Variants in TMEM38B observed in about 807,000 individuals in gnomAD.
TMEM38B encodes trimeric intracellular cation channel type B.
Under a neutral mutation model 28.7 loss-of-function variants are expected in TMEM38B, and 24 were observed. The observed-to-expected ratio is 0.84, with a 90% confidence interval of 0.61 to 1.18. The LOEUF (loss-of-function observed/expected upper bound fraction) is 1.18. TMEM38B is among the 50% of genes most tolerant of loss of function. TMEM38B has a pLI of 0.00. For missense variants in TMEM38B, 380 were observed against 350.9 expected (o/e 1.08, Z -0.66); for synonymous variants, 131 against 127.7 (o/e 1.03, Z -0.17).
intron 5 of TMEM38B, among the ~76,000 whole-genome samples, chr9:105,753,196 G>C (rs568358971): frequency 6.6e-6 from 1 of 152,266 alleles, no homozygotes; most frequent in South Asian, 2.1e-4. Flanking sequence ...TATGATTGGA[G>C]TACTTGAAAG....
At chr9:105,699,588 G>C (rs1419297940) in intron 1 of TMEM38B, among the ~76,000 whole-genome samples, 1 of 152,150 alleles carries the variant, frequency 6.6e-6, no homozygotes, top group African/African-American at 2.4e-5. Flanking sequence ...AAGGTGTGAA[G>C]GACTGCATCC....
intron 5 of TMEM38B, chr9:105,760,724 G>C: frequency 2.4e-6 from 3 of 1,236,930 alleles, no homozygotes; most frequent in Non-Finnish European, 3.5e-6. Flanking sequence ...CTGATTTTAA[G>C]AAAACCAAAG....
chr9:105,712,419 C>T (rs1835938890), intron 2 of TMEM38B, among the ~76,000 whole-genome samples: 1 of 152,156 alleles, frequency 6.6e-6, no homozygotes, highest in Non-Finnish European at 1.5e-5. Flanking sequence ...TTTCCTTAAA[C>T]TTTATCTGTT....
chr9:105,761,017 C>T (rs1838026071), intron 5 of TMEM38B, among the ~76,000 whole-genome samples: 1 of 152,126 alleles, frequency 6.6e-6, no homozygotes, highest in Non-Finnish European at 1.5e-5. Context: ...ATGATATGTG[C>T]TAAAATTTTA....
At chr9:105,751,150 A>G (rs1837633598) in intron 5 of TMEM38B, among the ~76,000 whole-genome samples, 1 of 152,194 alleles carries the variant, frequency 6.6e-6, no homozygotes, top group Non-Finnish European at 1.5e-5. Flanking sequence ...AAAAGGGGCA[A>G]GTGAATTCAG....
chr9:105,710,236 C>T (rs1835851381), intron 2 of TMEM38B: 1 of 534,438 alleles, frequency 1.9e-6, no homozygotes, highest in African/African-American at 1.9e-5. Flanking sequence ...ACTTTCAGAT[C>T]TTTCTTGAAG....
At chr9:105,714,447 A>G (rs1362804868) in intron 2 of TMEM38B, among the ~76,000 whole-genome samples, 2 of 152,138 alleles carry the variant, frequency 1.3e-5, no homozygotes, top group Non-Finnish European at 2.9e-5. Flanking sequence ...CAAAATACAA[A>G]TAGATACTTC....
intron 4 of TMEM38B, among the ~76,000 whole-genome samples, chr9:105,728,029 A>G (rs1437698046): frequency 6.6e-6 from 1 of 152,300 alleles, no homozygotes; most frequent in African/African-American, 2.4e-5. Flanking sequence ...TACCTCCTGC[A>G]GAACTGTGAG....
At position 105,704,785 on chromosome 9, in the gene TMEM38B, G is replaced by A. The variant is rs542716603; in HGVS notation, c.113-812G>A. ...CTAAAAATACAAAAATTAGCTGGGC[G>A]TGGTGGCAGGTGCCTGTAGTCACAG... On this transcript the variant is annotated intron_variant, in intron 1 of 5. Transcript: ENST00000374692. 2.8e-4 allele frequency among the ~76,000 whole-genome samples: 43 copies of A among 152,152 alleles called. 1 individual carries two copies. The South Asian group carries it at 6.5e-3, about 23-fold the overall frequency.
At chr9:105,735,714 T>A (rs1588435080) in intron 4 of TMEM38B, among the ~76,000 whole-genome samples, 1 of 152,188 alleles carries the variant, frequency 6.6e-6, no homozygotes, top group East Asian at 1.9e-4. Flanking sequence ...TTTTTAGAAT[T>A]CTCTCCTTGC....
intron 5 of TMEM38B, among the ~76,000 whole-genome samples, chr9:105,751,852 A>G (rs1446859168): frequency 2.6e-5 from 4 of 151,486 alleles, no homozygotes; most frequent in Admixed American, 2.6e-4. Flanking sequence ...TTCTTTAAGC[A>G]GGACCCTGAT....
rs73667013 is a variant in TMEM38B at position 105,773,740 on chromosome 9, G to T, written c.661-125G>T. ...AGAACAGAGATTTTACCAGAATCTA[G>T]CTTAGATTGCTTCCCCTGCAGATTA... On this transcript the variant is annotated intron_variant, in intron 5 of 5. Transcript: ENST00000374692. 3.0e-3 allele frequency: 2,415 copies of T among 815,132 alleles called. 36 individuals are homozygous for T. In the African/African-American group the frequency reaches 0.038, roughly 13 times the overall value. The allele number at this position is 815,132 out of a possible 1,614,324, so 50.5% of individuals were successfully genotyped here.
rs2133661283 is a variant in TMEM38B at position 105,774,554 on chromosome 9, G to A, written c.*474G>A. ...TATTTTATTTTGAACACTGAGAAGA[G>A]TAAACTTTTCCTAAAACACTTTATA... On this transcript the variant is annotated 3_prime_UTR_variant, in exon 6 of 6. Coordinates refer to ENST00000374692, the MANE Select transcript of TMEM38B (RefSeq NM_018112.3). 1 of 152,216 alleles carries A rather than the reference G, an allele frequency of 6.6e-6. No homozygotes were observed. Among genetic ancestry groups the A allele is most frequent in the East Asian group, 1.9e-4 (1 of 5,174 alleles). The allele number at this position is 152,216 out of a possible 1,614,324, so 9.4% of individuals were successfully genotyped here.
chr9:105,768,504 G>A (rs1339572017), intron 5 of TMEM38B, among the ~76,000 whole-genome samples: 1 of 152,046 alleles, frequency 6.6e-6, no homozygotes, highest in Non-Finnish European at 1.5e-5. Flanking sequence ...ATTGGTAAAT[G>A]TTTGATAGAT....
At chr9:105,726,428 G>A (rs1260500455) in intron 4 of TMEM38B, among the ~76,000 whole-genome samples, 9 of 151,880 alleles carry the variant, frequency 5.9e-5, no homozygotes, top group Non-Finnish European at 1.2e-4. Context: ...TAAAAATGAA[G>A]ACATAAACAC....
chr9:105,705,949 G>A lies in TMEM38B; in HGVS notation c.269+196G>A, dbSNP rs184339791. On this transcript the variant is annotated intron_variant, in intron 2 of 5. Transcript: ENST00000374692. ...GGAGTCTCACTCTGTTGCCCAGGCT[G>A]AAGTGCAATGGCATAATCTTGGCTC... 6.9e-3 allele frequency among the ~76,000 whole-genome samples: 1,034 copies of A among 149,174 alleles called. 1 individual carries two copies. The highest frequency in any genetic ancestry group is 0.011 in the Non-Finnish European group (771 of 67,608).
chr9:105,761,316 T>G (rs1230415789), intron 5 of TMEM38B, among the ~76,000 whole-genome samples: 1 of 152,186 alleles, frequency 6.6e-6, no homozygotes, highest in African/African-American at 2.4e-5. Context: ...TTTATCAGAT[T>G]TGGTTTTGCC....
At chr9:105,694,931 T>A (rs1436043311) in intron 1 of TMEM38B, among the ~76,000 whole-genome samples, 159 bp downstream of exon 1, 3 of 152,272 alleles carry the variant, frequency 2.0e-5, no homozygotes, top group Middle Eastern at 3.4e-3. Flanking sequence ...CCGGTTGGTC[T>A]GACTTACTGA....
intron 5 of TMEM38B, among the ~76,000 whole-genome samples, chr9:105,765,118 G>A (rs1179870030): frequency 6.6e-6 from 1 of 152,126 alleles, no homozygotes; most frequent in Non-Finnish European, 1.5e-5. Flanking sequence ...AAAATTATTG[G>A]ACCAAATTGA....
Sources: gnomAD v4.1 joint callset for allele counts (sites outside exome capture counted in the v4.1 genomes callset) on GRCh38, gnomAD v4.1.1 for gene constraint, MANE v1.5 for transcripts, NCBI Gene and HGNC (gene_info 2026-07-23, HGNC 2026-07-21) for gene names.